SEMA5A: variants seen among roughly 807,000 people sequenced by gnomAD.
SEMA5A encodes the protein semaphorin-5A.
In SEMA5A, 55 loss-of-function variants were observed where a neutral mutation model predicts 135.5. The ratio of observed to expected loss-of-function variants is 0.41; its 90% CI spans 0.33 to 0.51. SEMA5A has a LOEUF of 0.51. Among genes scored for constraint, SEMA5A ranks in the 20% least tolerant of loss-of-function variants. The pLI is 0.37. For missense variants in SEMA5A, 1,290 were observed against 1,419.9 expected, an observed-to-expected ratio of 0.91 and a Z score of 1.47; for synonymous variants, 580 against 546.5, an observed-to-expected ratio of 1.06 and a Z score of -0.85.
intron 4 of SEMA5A, among the ~76,000 whole-genome samples, chr5:9,334,525 C>T (rs1346766902): frequency 1.3e-5 from 2 of 152,200 alleles, no homozygotes; most frequent in African/African-American, 2.4e-5. Flanking sequence ...TAGGGCTGCG[C>T]GCTCACCAGC....
At position 9,388,577 on chromosome 5, in the gene SEMA5A, G is replaced by A. The variant is rs184285493; in HGVS notation, c.-77-8554C>T. Among the ~76,000 whole-genome samples the A allele has an allele frequency of 3.3e-5, 5 of 152,196 alleles. No homozygotes were observed. In the East Asian group the frequency reaches 9.7e-4, roughly 29 times the overall value. ...ATTTACCTAGAGATGTTTCCTCAGG[G>A]CAGAAAATTCATGTGGACACACTAA... On this transcript the variant is annotated intron_variant, in intron 2 of 22. Coordinates refer to ENST00000382496, the MANE Select transcript of SEMA5A (RefSeq NM_003966.3).
At chr5:9,171,760 C>T (rs1265150861) in intron 11 of SEMA5A, among the ~76,000 whole-genome samples, 1 of 152,132 alleles carries the variant, frequency 6.6e-6, no homozygotes, top group East Asian at 1.9e-4. Context: ...GCTAAACACA[C>T]AGGCTGCGGC....
Position 9,431,759 on chromosome 5 carries a change from C to T in SEMA5A, c.-78+5997G>A, listed in dbSNP as rs1579530055. Reference sequence around the variant, plus strand: ...TGTAATTGAGAGGGCAGTATCCTTACGTGCACATGTAAATCCAAATCCAAG... The same window carrying T: ...TGTAATTGAGAGGGCAGTATCCTTATGTGCACATGTAAATCCAAATCCAAG... On this transcript the variant is annotated intron_variant, in intron 2 of 22. Transcript: ENST00000382496. Among the ~76,000 whole-genome samples, 8 of 152,270 alleles carry T rather than the reference C, an allele frequency of 5.3e-5. No individual in the cohort carries two copies. The South Asian group carries it at 1.5e-3, about 28-fold the overall frequency.
rs1491504192 is a variant in SEMA5A at position 9,162,381 on chromosome 5, CAT to C, written c.1274-7688_1274-7687del. The stretch of plus-strand genomic sequence containing the variant: ...GTATATAGCATGATGTTCAAACAAA[CAT>C]GTGTGTGTGTGTGTGTGTGTGTATA... On this transcript the variant is annotated intron_variant, in intron 11 of 22. Transcript: ENST00000382496. Among the ~76,000 whole-genome samples the C allele has an allele frequency of 8.7e-3, 814 of 93,352 alleles. 12 individuals carry two copies. The highest frequency in any genetic ancestry group is 0.025 in the African/African-American group (745 of 30,326). The allele number at this position is 93,352 out of a possible 152,430, so 61.2% of individuals were successfully genotyped here.
At chr5:9,391,008 GC>G (rs1319822659) in intron 2 of SEMA5A, 1 of 152,106 alleles carries the variant, frequency 6.6e-6, no homozygotes, top group Non-Finnish European at 1.5e-5. Flanking sequence ...TAAGTCCCTG[GC>G]CCTAAAACCC....
chr5:9,230,156 T>C lies in SEMA5A; in HGVS notation c.334-3189A>G, dbSNP rs545825664. Among the ~76,000 whole-genome samples the C allele has an allele frequency of 2.8e-4, 41 of 146,874 alleles. No individual in the cohort carries two copies. The South Asian group carries it at 8.5e-3, about 30-fold the overall frequency. On this transcript the variant is annotated intron_variant, in intron 6 of 22. Coordinates refer to ENST00000382496, the MANE Select transcript of SEMA5A (RefSeq NM_003966.3). ...TATGCCACCACCCCTGGCTATTTTT[T>C]TCTTTTTTTTTTTTTTTTTTTTTTG...
chr5:9,170,540 T>TG (rs1264311656), intron 11 of SEMA5A, among the ~76,000 whole-genome samples: 1 of 151,796 alleles, frequency 6.6e-6, no homozygotes, highest in African/African-American at 2.4e-5. Flanking sequence ...TATTTGGAGG[T>TG]GGGGGGCTTT....
chr5:9,094,110 G>A (rs753117992), intron 16 of SEMA5A, among the ~76,000 whole-genome samples: 2 of 152,154 alleles, frequency 1.3e-5, no homozygotes, highest in African/African-American at 2.4e-5. Flanking sequence ...AAGCCAGAAA[G>A]GAGGCTCCTT....
At chr5:9,396,246 GCACACACACACA>G (rs147262677) in intron 2 of SEMA5A, among the ~76,000 whole-genome samples, 1 of 148,954 alleles carries the variant, frequency 6.7e-6, no homozygotes, top group East Asian at 2.0e-4. Context: ...GCGCGTGCGT[GCACACACACACA>G]CACACACACA....
intron 5 of SEMA5A, among the ~76,000 whole-genome samples, chr5:9,267,046 T>C (rs1021374515): frequency 1.3e-5 from 2 of 152,210 alleles, no homozygotes; most frequent in East Asian, 1.9e-4. Flanking sequence ...CTTACAGAGC[T>C]CTGCCCAGCT....
intron 12 of SEMA5A, among the ~76,000 whole-genome samples, chr5:9,148,145 G>T (rs1038650640): frequency 1.3e-5 from 2 of 152,134 alleles, no homozygotes; most frequent in African/African-American, 4.8e-5. Flanking sequence ...TATCCAAAGG[G>T]TAGAAAATTC....
chr5:9,348,043 G>C (rs1262106993), intron 3 of SEMA5A, among the ~76,000 whole-genome samples: 1 of 152,204 alleles, frequency 6.6e-6, no homozygotes, highest in African/African-American at 2.4e-5. Context: ...AAATGCCAGT[G>C]TTAGGTGAGG....
intron 5 of SEMA5A, among the ~76,000 whole-genome samples, chr5:9,269,558 G>A (rs536309363): frequency 2.0e-5 from 3 of 152,230 alleles, no homozygotes; most frequent in East Asian, 1.9e-4. Flanking sequence ...AAAAAATGGT[G>A]AGGTAGAGCT....
At chr5:9,277,141 A>T (rs912208497) in intron 5 of SEMA5A, among the ~76,000 whole-genome samples, 2 of 152,232 alleles carry the variant, frequency 1.3e-5, no homozygotes, top group Non-Finnish European at 2.9e-5. Context: ...ACCCCATCAA[A>T]AAGTGGGCAA....
At chr5:9,188,871 A>G (rs1744945503) in intron 11 of SEMA5A, among the ~76,000 whole-genome samples, 1 of 131,272 alleles carries the variant, frequency 7.6e-6, no homozygotes, top group Non-Finnish European at 1.6e-5. Flanking sequence ...CCCTTCCCTG[A>G]AAAGCTTCTA....
intron 8 of SEMA5A, among the ~76,000 whole-genome samples, chr5:9,219,991 G>T (rs1416810468): frequency 6.6e-6 from 1 of 152,092 alleles, no homozygotes; most frequent in Admixed American, 6.6e-5. Context: ...AAAAAAATGT[G>T]ATTACATATA....
chr5:9,087,059 G>A (rs922783567), intron 16 of SEMA5A, among the ~76,000 whole-genome samples: 20 of 152,098 alleles, frequency 1.3e-4, no homozygotes, highest in Admixed American at 3.3e-4. Flanking sequence ...AAAGATAGAC[G>A]ACTAAGCTGA....
intron 2 of SEMA5A, among the ~76,000 whole-genome samples, chr5:9,383,686 C>CT (rs1755710275): frequency 6.6e-6 from 1 of 152,176 alleles, no homozygotes; most frequent in Non-Finnish European, 1.5e-5. Context: ...AGTTTTTCAA[C>CT]GTGCACATCT....
At chr5:9,434,418 A>G (rs529287896) in intron 2 of SEMA5A, among the ~76,000 whole-genome samples, 2 of 152,272 alleles carry the variant, frequency 1.3e-5, no homozygotes, top group East Asian at 3.9e-4. Flanking sequence ...TCACTACATT[A>G]ATGCACTTTA....
Sources: allele counts gnomAD v4.1 joint callset (sites outside exome capture counted in the v4.1 genomes callset), GRCh38; gene constraint gnomAD v4.1.1; transcripts MANE v1.5; gene names NCBI Gene and HGNC (gene_info 2026-07-23, HGNC 2026-07-21).